PID1: variants seen among roughly 807,000 people sequenced by gnomAD.
PID1 encodes the protein PTB-containing, cubilin and LRP1-interacting protein.
In PID1, 10 loss-of-function variants were observed where a neutral mutation model predicts 19.1. The ratio of observed to expected loss-of-function variants is 0.52; its 90% CI spans 0.32 to 0.89. The LOEUF (loss-of-function observed/expected upper bound fraction) is 0.89, where lower values mean the gene tolerates loss of function less well. Ranked by LOEUF, PID1 falls within the 40% of genes least tolerant of loss-of-function variation. The pLI is 0.03. For synonymous variants in PID1, 130 were observed against 116.0 expected (o/e 1.12, Z -0.78); for missense variants, 248 against 285.3 (o/e 0.87, Z 0.94).
chr2:229,213,859 T>C (rs1354717414), intron 1 of PID1, among the ~76,000 whole-genome samples: 1 of 152,202 alleles, frequency 6.6e-6, no homozygotes, highest in Non-Finnish European at 1.5e-5. Flanking sequence ...AAGCAGTAAA[T>C]TCACAATCAA....
At chr2:229,027,004 T>A (rs1200836632) in intron 2 of PID1, among the ~76,000 whole-genome samples, 2 of 152,106 alleles carry the variant, frequency 1.3e-5, no homozygotes, top group Non-Finnish European at 2.9e-5. Flanking sequence ...ACTTAAGAGA[T>A]CATCTAAGAA....
At position 229,249,488 on chromosome 2, in the gene PID1, T is replaced by C. The variant is rs575040484; in HGVS notation, c.30+21526A>G. Among the ~76,000 whole-genome samples, 10 of 152,344 alleles carry C rather than the reference T, an allele frequency of 6.6e-5. No homozygotes were observed. In the East Asian group the frequency reaches 1.7e-3, roughly 26 times the overall value. ...GACATAAATATATTCACTGAGCTTG[T>C]ATGGTGTTGCCGGCCTTGTATTCCA... On this transcript the variant is annotated intron_variant, in intron 1 of 2. Transcript: ENST00000392055.
intron 2 of PID1, among the ~76,000 whole-genome samples, chr2:229,033,691 A>C (rs1693602540): frequency 6.6e-6 from 1 of 152,216 alleles, no homozygotes; most frequent in South Asian, 2.1e-4. Context: ...AAAAATTAAA[A>C]AAATATTTTA....
chr2:229,203,565 T>C (rs1029354480), intron 1 of PID1, among the ~76,000 whole-genome samples: 27 of 152,130 alleles, frequency 1.8e-4, no homozygotes, highest in Admixed American at 3.3e-4. Context: ...AAATAAATGA[T>C]ATAATTTCAT....
intron 2 of PID1, among the ~76,000 whole-genome samples, chr2:229,028,061 G>T (rs962755322): frequency 2.0e-5 from 3 of 152,122 alleles, no homozygotes; most frequent in Non-Finnish European, 4.4e-5. Flanking sequence ...TAGGAACAGA[G>T]GCAGTGGGAA....
At chr2:229,042,156 A>G (rs1693783272) in intron 2 of PID1, among the ~76,000 whole-genome samples, 1 of 152,212 alleles carries the variant, frequency 6.6e-6, no homozygotes. Context: ...TCAAAAGACA[A>G]TAATTGTGTG....
intron 2 of PID1, among the ~76,000 whole-genome samples, chr2:229,151,705 C>G (rs941086217): frequency 4.6e-5 from 7 of 151,730 alleles, no homozygotes; most frequent in African/African-American, 9.7e-5. Flanking sequence ...CGAGTAGCTG[C>G]GACGACAGGT....
At chr2:229,250,710 T>C (rs1213976223) in intron 1 of PID1, among the ~76,000 whole-genome samples, 1 of 152,218 alleles carries the variant, frequency 6.6e-6, no homozygotes, top group Non-Finnish European at 1.5e-5. Flanking sequence ...ACAGTTCTCA[T>C]CCCTGAGGTG....
At chr2:229,097,119 T>C (rs1268614930) in intron 2 of PID1, among the ~76,000 whole-genome samples, 3 of 152,160 alleles carry the variant, frequency 2.0e-5, no homozygotes, top group African/African-American at 7.2e-5. Context: ...CAGAAATACA[T>C]GACATGATTA....
At chr2:229,166,712 C>T (rs1383634951) in intron 1 of PID1, among the ~76,000 whole-genome samples, 1 of 152,008 alleles carries the variant, frequency 6.6e-6, no homozygotes, top group African/African-American at 2.4e-5. Flanking sequence ...TGTCCTTCTC[C>T]TTGGATAAAT....
At chr2:229,178,842 A>C (rs1475600775) in intron 1 of PID1, among the ~76,000 whole-genome samples, 2 of 152,086 alleles carry the variant, frequency 1.3e-5, no homozygotes, top group African/African-American at 4.8e-5. Context: ...GATGTGAAGA[A>C]GGAAGTGGGA....
At chr2:229,254,835 T>G (rs996618809) in intron 1 of PID1, among the ~76,000 whole-genome samples, 4 of 152,248 alleles carry the variant, frequency 2.6e-5, no homozygotes, top group Non-Finnish European at 4.4e-5. Flanking sequence ...ATTTGTATTT[T>G]CTGAGTTTGT....
chr2:229,139,041 G>A (rs200986205), intron 2 of PID1, among the ~76,000 whole-genome samples: 541 of 50,950 alleles, frequency 0.011, 16 homozygotes, highest in Admixed American at 0.016. Context: ...GAAAGAAAGA[G>A]AAAGAAAGAA....
intron 1 of PID1, among the ~76,000 whole-genome samples, chr2:229,258,776 G>A (rs915005105): frequency 1.3e-5 from 2 of 151,078 alleles, no homozygotes; most frequent in Admixed American, 6.6e-5. Flanking sequence ...GCAGGAGAAC[G>A]GCGTGAACCC....
intron 1 of PID1, among the ~76,000 whole-genome samples, chr2:229,199,477 C>G (rs913365599): frequency 6.6e-6 from 1 of 151,812 alleles, no homozygotes; most frequent in African/African-American, 2.4e-5. Flanking sequence ...GTATCTGGCC[C>G]GTGGCCAACT....
At chr2:229,201,373 C>G (rs1222837270) in intron 1 of PID1, among the ~76,000 whole-genome samples, 1 of 152,062 alleles carries the variant, frequency 6.6e-6, no homozygotes, top group Admixed American at 6.6e-5. Context: ...TGGACACATA[C>G]TTGTTCTTTT....
At chr2:229,226,553 A>G (rs1439483629) in intron 1 of PID1, among the ~76,000 whole-genome samples, 1 of 152,172 alleles carries the variant, frequency 6.6e-6, no homozygotes, top group African/African-American at 2.4e-5. Flanking sequence ...GATGTTTCCT[A>G]TTAGCACATT....
rs181972187 is a variant in PID1 at position 229,066,640 on chromosome 2, C to T, written c.178-40532G>A. ...TGGATTTGAAAATACTCAGAATTTT[C>T]CACCCCTGATCCTCTGGTCCCTCAG... On this transcript the variant is annotated intron_variant, in intron 2 of 2. Coordinates refer to ENST00000392055, the MANE Select transcript of PID1 (RefSeq NM_001100818.2). Among the ~76,000 whole-genome samples, 143 of 151,638 alleles carry T rather than the reference C, an allele frequency of 9.4e-4. No individual in the cohort carries two copies. The Middle Eastern group carries it at 0.01, about 11-fold the overall frequency.
At chr2:229,060,183 T>C (rs1694183585) in intron 2 of PID1, among the ~76,000 whole-genome samples, 1 of 152,128 alleles carries the variant, frequency 6.6e-6, no homozygotes, top group African/African-American at 2.4e-5. Context: ...GTATTATTTA[T>C]TATAGTCACC....
Sources: gnomAD v4.1 joint callset for allele counts (sites outside exome capture counted in the v4.1 genomes callset) on GRCh38, gnomAD v4.1.1 for gene constraint, MANE v1.5 for transcripts, NCBI Gene and HGNC (gene_info 2026-07-23, HGNC 2026-07-21) for gene names.